RPH3AL: variants seen among roughly 807,000 people sequenced by gnomAD.
The protein encoded by RPH3AL is rab effector Noc2.
RPH3AL carries 38 observed loss-of-function variants against 43.1 expected under a neutral mutation model. That is an observed-to-expected ratio of 0.88 (90% CI 0.68 to 1.15). RPH3AL has a LOEUF of 1.15. Ranked by LOEUF, RPH3AL falls within the 50% of genes most tolerant of loss-of-function variation. RPH3AL has a pLI of 0.00. For missense variants in RPH3AL, 462 were observed against 423.2 expected, an observed-to-expected ratio of 1.09 and a Z score of -0.81; for synonymous variants, 189 against 176.3, an observed-to-expected ratio of 1.07 and a Z score of -0.57.
At chr17:279,411 T>G (rs2042728072) in intron 6 of RPH3AL, among the ~76,000 whole-genome samples, 1 of 152,098 alleles carries the variant, frequency 6.6e-6, no homozygotes, top group South Asian at 2.1e-4. Context: ...CTCTAAAAAT[T>G]CAAGGGCAAA....
intron 6 of RPH3AL, among the ~76,000 whole-genome samples, chr17:269,344 G>A (rs984628517): frequency 1.3e-5 from 2 of 152,082 alleles, no homozygotes; most frequent in Admixed American, 6.5e-5. Context: ...TGTATGATAC[G>A]ATTTGCTTAT....
chr17:307,315 ACGGCAGG>A (rs1567634062), intron 5 of RPH3AL, among the ~76,000 whole-genome samples: 19 of 123,074 alleles, frequency 1.5e-4, no homozygotes, highest in Middle Eastern at 4.4e-3. Context: ...GGTCCTCCCC[ACGGCAGG>A]TCCTCCCCAC....
intron 7 of RPH3AL, among the ~76,000 whole-genome samples, chr17:223,908 G>C (rs970696000): frequency 1.3e-5 from 2 of 151,946 alleles, no homozygotes; most frequent in African/African-American, 4.8e-5. Flanking sequence ...GCCCCCAACA[G>C]AGCGGCCAGC....
chr17:345,755 T>C (rs192374086), intron 1 of RPH3AL, among the ~76,000 whole-genome samples: 4 of 117,246 alleles, frequency 3.4e-5, no homozygotes, highest in Non-Finnish European at 7.6e-5. Context: ...CCCATCTGCG[T>C]GCACACCCTG....
At chr17:260,210 T>G (rs1174899039) in intron 6 of RPH3AL, among the ~76,000 whole-genome samples, 2 of 152,200 alleles carry the variant, frequency 1.3e-5, no homozygotes, top group African/African-American at 2.4e-5. Flanking sequence ...CATCAGCATC[T>G]CTAACAGGCA....
rs373710359 is a variant in RPH3AL, at chr17:328,083, T to C, written c.-36-504A>G. Among the ~76,000 whole-genome samples, 1 of 151,970 alleles carries C rather than the reference T, an allele frequency of 6.6e-6. No individual in the cohort carries two copies. The highest frequency in any genetic ancestry group is 1.5e-5 in the Non-Finnish European group (1 of 67,980). Reference sequence around the variant, plus strand: ...ACTCACACCGATGATCACAATGCCCTCGAGGGCAGGCAAGAGGGCAGGGGG... The same window carrying C: ...ACTCACACCGATGATCACAATGCCCCCGAGGGCAGGCAAGAGGGCAGGGGG... On this transcript the variant is annotated intron_variant, in intron 2 of 9. Transcript: ENST00000331302. This position sits in a 1 kb window ranked among gnomAD's most constrained non-coding sequence, Gnocchi z 4.2.
chr17:341,408 G>A (rs2045116879), intron 1 of RPH3AL: 1 of 152,150 alleles, frequency 6.6e-6, no homozygotes, highest in Non-Finnish European at 1.5e-5. Context: ...GACGGAGAAA[G>A]AACAGTCCTT....
intron 6 of RPH3AL, among the ~76,000 whole-genome samples, chr17:272,539 G>A (rs561096159): frequency 2.1e-5 from 3 of 143,938 alleles, no homozygotes; most frequent in Admixed American, 7.3e-5. Context: ...CTCACTCATA[G>A]GTGGGAATTG....
intron 5 of RPH3AL, among the ~76,000 whole-genome samples, chr17:311,738 C>G (rs571006438): frequency 6.6e-6 from 1 of 152,308 alleles, no homozygotes; most frequent in African/African-American, 2.4e-5. Context: ...TCAGGACATC[C>G]AGTGCTGGAG....
In RPH3AL at chr17:328,668, T is replaced by G. The variant is rs966507202; in HGVS notation, c.-36-1089A>C. ...AACAACGAAAATATCCATCAACTGATGAATGAGGAAAATGTGCTATATCCA... is the reference window on the plus strand; with the variant it reads ...AACAACGAAAATATCCATCAACTGAGGAATGAGGAAAATGTGCTATATCCA... On this transcript the variant is annotated intron_variant, in intron 2 of 9. Coordinates refer to ENST00000331302, the MANE Select transcript of RPH3AL (RefSeq NM_006987.4). This position sits in a 1 kb window ranked among gnomAD's most constrained non-coding sequence, Gnocchi z 4.2. 2.0e-5 allele frequency among the ~76,000 whole-genome samples: 3 copies of G among 152,162 alleles called. No homozygotes were observed. The highest frequency in any genetic ancestry group is 7.2e-5 in the African/African-American group (3 of 41,430).
At chr17:249,647 GTA>G (rs2041840570) in intron 6 of RPH3AL, among the ~76,000 whole-genome samples, 1 of 145,942 alleles carries the variant, frequency 6.9e-6, no homozygotes, top group African/African-American at 2.5e-5. Context: ...CATCACATTA[GTA>G]CTGTGGGATA....
Position 274,084 on chromosome 17 carries a change from G to A in RPH3AL, c.438+7684C>T, listed in dbSNP as rs754277821. Among the ~76,000 whole-genome samples, 32 of 152,258 alleles carry A rather than the reference G, an allele frequency of 2.1e-4. 1 individual carries two copies. The highest frequency in any genetic ancestry group is 4.6e-4 in the African/African-American group (19 of 41,534). ...TTTGAGTGAGTCATTCTTCGTTTTC[G>A]TTTAGTGGATAGGGATTCGAGGCTA... On this transcript the variant is annotated intron_variant, in intron 6 of 9. Transcript: ENST00000331302. This position sits in a 1 kb window ranked among gnomAD's most constrained non-coding sequence, Gnocchi z 4.7.
chr17:293,004 C>T (rs1027368702), intron 5 of RPH3AL, among the ~76,000 whole-genome samples: 3 of 152,244 alleles, frequency 2.0e-5, no homozygotes, highest in Non-Finnish European at 2.9e-5. Context: ...TCCCACCCCA[C>T]GTCCTCCATC....
At chr17:307,926 G>A (rs762825252) in intron 5 of RPH3AL, among the ~76,000 whole-genome samples, 1 of 152,194 alleles carries the variant, frequency 6.6e-6, no homozygotes, top group Non-Finnish European at 1.5e-5. Context: ...GATGCCGTGC[G>A]GTGTCTGGTC....
At position 215,502 on chromosome 17, in the gene RPH3AL, G is replaced by A. The variant is rs1039461931; in HGVS notation, c.876+152C>T. On this transcript the variant is annotated intron_variant, in intron 9 of 9. Coordinates refer to ENST00000331302, the MANE Select transcript of RPH3AL (RefSeq NM_006987.4). The surrounding 1 kb of genome is among the most constrained non-coding windows in gnomAD (Gnocchi z 4.1). Reference sequence around the variant, plus strand: ...TCTGTTCCTTGCAGGCAGGGATGGGGTCTGGCTCACCTTGTTCCCCCGCAC... The same window carrying A: ...TCTGTTCCTTGCAGGCAGGGATGGGATCTGGCTCACCTTGTTCCCCCGCAC... 4 of 670,598 alleles carry A rather than the reference G, an allele frequency of 6.0e-6. No individual in the cohort carries two copies. The highest frequency in any genetic ancestry group is 8.7e-5 in the Admixed American group (2 of 23,054). 41.5% of individuals were successfully genotyped at this position (670,598 alleles called of 1,614,324 possible).
intron 6 of RPH3AL, among the ~76,000 whole-genome samples, chr17:277,114 G>C (rs1302916056): frequency 3.3e-5 from 5 of 152,120 alleles, no homozygotes; most frequent in African/African-American, 7.2e-5. Context: ...TGTAGACAGA[G>C]AGCTATGCAC....
At chr17:235,253 G>A (rs2041340703) in intron 7 of RPH3AL, among the ~76,000 whole-genome samples, 1 of 142,852 alleles carries the variant, frequency 7.0e-6, no homozygotes, top group Non-Finnish European at 1.5e-5. Flanking sequence ...ACGGGTCCAG[G>A]GTCCAAAGCT....
rs1253778992 is a variant in RPH3AL at position 257,092 on chromosome 17, C to T, written c.439-9807G>A. On this transcript the variant is annotated intron_variant, in intron 6 of 9. Transcript: ENST00000331302. ...GTCTGTCCTTTTCCATCCCTAGGAACGTGACTACCCTACGTACTTCCTATG... is the reference window on the plus strand; with the variant it reads ...GTCTGTCCTTTTCCATCCCTAGGAATGTGACTACCCTACGTACTTCCTATG... Among the ~76,000 whole-genome samples the T allele has an allele frequency of 2.0e-3, 72 of 35,716 alleles. 2 individuals carry two copies. Among genetic ancestry groups the T allele is most frequent in the South Asian group, 2.7e-3 (2 of 752 alleles). The allele number at this position is 35,716 out of a possible 152,430, so 23.4% of individuals were successfully genotyped here.
At chr17:293,752 G>A (rs1389467931) in intron 5 of RPH3AL, among the ~76,000 whole-genome samples, 1 of 151,992 alleles carries the variant, frequency 6.6e-6, no homozygotes, top group Admixed American at 6.5e-5. Context: ...AATCTGGTCG[G>A]GCGCGGTGGC....
Sources: gnomAD v4.1 joint callset for allele counts (sites outside exome capture counted in the v4.1 genomes callset) on GRCh38, gnomAD v4.1.1 for gene constraint, Gnocchi (gnomAD v3.1) non-coding constraint, MANE v1.5 for transcripts, NCBI Gene and HGNC (gene_info 2026-07-23, HGNC 2026-07-21) for gene names.